Variants in MASP1 observed in about 807,000 individuals in gnomAD.
MASP1 encodes the protein MBL associated serine protease 1.
A neutral mutation model predicts 77.1 loss-of-function variants in MASP1; 59 were observed. The ratio of observed to expected loss-of-function variants is 0.77; its 90% CI spans 0.62 to 0.95. MASP1 has a LOEUF of 0.95. Among genes scored for constraint, MASP1 ranks in the 40% least tolerant of loss-of-function variants. MASP1 has a pLI of 0.00. For synonymous variants in MASP1, 362 were observed against 354.5 expected (o/e 1.02, Z -0.24); for missense variants, 885 against 912.9 (o/e 0.97, Z 0.39).
chr3:187,265,646 T>A (rs149001261), intron 2 of MASP1, among the ~76,000 whole-genome samples: 56 of 152,268 alleles, frequency 3.7e-4, no homozygotes, highest in Admixed American at 3.6e-3. Flanking sequence ...TCTATCTGCC[T>A]CCTTCTATAG....
chr3:187,282,466 C>T (rs942228060), intron 2 of MASP1, among the ~76,000 whole-genome samples: 1 of 147,640 alleles, frequency 6.8e-6, no homozygotes, highest in Non-Finnish European at 1.5e-5. Context: ...CACTGCACTC[C>T]AGCCTGGCAA....
intron 1 of MASP1, among the ~76,000 whole-genome samples, chr3:187,286,745 C>A (rs1461776763): frequency 6.6e-6 from 1 of 152,202 alleles, no homozygotes; most frequent in Admixed American, 6.5e-5. Flanking sequence ...CTGGTCAAAG[C>A]CCTTCTGGTC....
At chr3:187,232,867 A>G (rs1241076106), downstream of MASP1, among the ~76,000 whole-genome samples, 3 of 152,244 alleles carry the variant, frequency 2.0e-5, no homozygotes, top group African/African-American at 4.8e-5. Flanking sequence ...TCTTATTTTC[A>G]TTCTCAATAG....
At chr3:187,227,039 C>T (rs935688723) in intron 11 of MASP1, among the ~76,000 whole-genome samples, 3 of 152,278 alleles carry the variant, frequency 2.0e-5, no homozygotes, top group East Asian at 3.9e-4. Flanking sequence ...TTGATGAATC[C>T]GAAGCTACCT....
intron 2 of MASP1, among the ~76,000 whole-genome samples, chr3:187,271,830 C>G (rs764569171): frequency 2.6e-5 from 4 of 152,186 alleles, no homozygotes; most frequent in African/African-American, 7.2e-5. Flanking sequence ...CCTCCTCCCC[C>G]CTTGTCTTCC....
chr3:187,268,537 AAGAAAAGAAAAT>A (rs1198764553), intron 2 of MASP1, among the ~76,000 whole-genome samples: 1 of 144,482 alleles, frequency 6.9e-6, no homozygotes, highest in Admixed American at 7.0e-5. Flanking sequence ...AAGAAAAGAA[AAGAAAAGAAAAT>A]AGAAAAGAAA....
intron 2 of MASP1, among the ~76,000 whole-genome samples, chr3:187,264,130 C>A (rs1715827749): frequency 6.6e-6 from 1 of 152,182 alleles, no homozygotes; most frequent in South Asian, 2.1e-4. Flanking sequence ...TGACATTTGA[C>A]ACTCCTGTTT....
intron 8 of MASP1, chr3:187,247,467 T>C (rs113510246): frequency 1.3e-6 from 2 of 1,512,204 alleles, no homozygotes; most frequent in Non-Finnish European, 1.8e-6. Flanking sequence ...AGAGAGAGAT[T>C]AGCAAGCAAA....
intron 5 of MASP1, chr3:187,256,437 C>G (rs919150932): frequency 2.6e-5 from 15 of 587,744 alleles, no homozygotes; most frequent in African/African-American, 2.4e-4. Context: ...ATTCACGACT[C>G]TCCTCCTCAA....
intron 11 of MASP1, among the ~76,000 whole-genome samples, chr3:187,229,020 C>T (rs557953430): frequency 2.6e-5 from 4 of 152,270 alleles, no homozygotes; most frequent in African/African-American, 7.2e-5. Context: ...TGGGCCAAGC[C>T]GGGCCTTCTT....
At chr3:187,246,423 G>A (rs2108530104) in intron 8 of MASP1, 1 of 985,390 alleles carries the variant, frequency 1.0e-6, no homozygotes, top group African/African-American at 1.7e-5. Flanking sequence ...TCTTCTTTGG[G>A]TGGTGTCTCT....
intron 2 of MASP1, among the ~76,000 whole-genome samples, chr3:187,267,917 C>T (rs970371548): frequency 1.1e-4 from 17 of 151,898 alleles, no homozygotes; most frequent in Middle Eastern, 3.4e-3. Flanking sequence ...ATTACGAGTT[C>T]TAATACCCAT....
At position 187,218,022 on chromosome 3, in the gene MASP1, C is replaced by T. The variant is rs1231429070; in HGVS notation, c.*2049G>A. 52 of 152,184 alleles carry T rather than the reference C, an allele frequency of 3.4e-4. 1 individual carries two copies. Among genetic ancestry groups the T allele is most frequent in the Admixed American group, 3.4e-3 (52 of 15,276 alleles). The allele number at this position is 152,184 out of a possible 1,614,324, so 9.4% of individuals were successfully genotyped here. A position where few individuals can be genotyped will look rare whatever the true frequency, so the allele number is the denominator to read the frequency against. On this transcript the variant is annotated 3_prime_UTR_variant, in exon 16 of 16. Coordinates refer to the MASP1 transcript ENST00000337774. ...TATAATAAAGGACATCTTGAGTGGA[C>T]ATTTACTATTGTTCTCCCTCCATGT... is the stretch of plus-strand genomic sequence containing the variant.
chr3:187,234,231 T>A lies in MASP1; in HGVS notation c.*1453A>T, dbSNP rs1017532115. The A allele has an allele frequency of 1.6e-6, 2 of 1,287,214 alleles. No homozygotes were observed. The highest frequency in any genetic ancestry group is 2.0e-6 in the Non-Finnish European group (2 of 988,694). The allele number at this position is 1,287,214 out of a possible 1,614,324, so 79.7% of individuals were successfully genotyped here. A position where few individuals can be genotyped will look rare whatever the true frequency, so the allele number is the denominator to read the frequency against. On this transcript the variant is annotated 3_prime_UTR_variant, in exon 11 of 11. Coordinates refer to ENST00000296280, the MANE Select transcript of MASP1 (RefSeq NM_139125.4). ...TGCCATTCATAGACAAAGGAGTGTG[T>A]TTGATGAGCCGGTTGAGAAAGTGGA...
chr3:187,267,765 T>G (rs1337383512), intron 2 of MASP1, among the ~76,000 whole-genome samples: 1 of 152,218 alleles, frequency 6.6e-6, no homozygotes, highest in East Asian at 1.9e-4. Context: ...TTTGGCCCCT[T>G]AGGTAGAATT....
intron 2 of MASP1, among the ~76,000 whole-genome samples, chr3:187,272,158 A>T (rs562950671): frequency 2.6e-5 from 4 of 152,280 alleles, no homozygotes; most frequent in Non-Finnish European, 5.9e-5. Context: ...GACCTAAAGG[A>T]CAGGAAAGGG....
rs72549259 is a variant in MASP1 at position 187,222,992 on chromosome 3, G to A, written c.1809+135C>T. On this transcript the variant is annotated intron_variant, in intron 14 of 15. Transcript: ENST00000337774. ...TTCAAAGTCCCATTGAACTTTGGAG[G>A]TGGGTCTGGGCTCCTAGTTTCCCAC... 8.1e-5 allele frequency: 60 copies of A among 737,916 alleles called. 1 individual carries two copies. The highest frequency in any genetic ancestry group is 6.9e-4 in the South Asian group (47 of 68,234). The allele number at this position is 737,916 out of a possible 1,614,324, so 45.7% of individuals were successfully genotyped here. A position where few individuals can be genotyped will look rare whatever the true frequency, so the allele number is the denominator to read the frequency against.
rs1207847642 is a variant in MASP1 at position 187,235,146 on chromosome 3, G to C, written c.*538C>G. ...CAAGGGATCACACTAAGAGAGAGGGGCTTGGCTATGAGCCATCTCCCAAAA... is the reference window on the plus strand; with the variant it reads ...CAAGGGATCACACTAAGAGAGAGGGCCTTGGCTATGAGCCATCTCCCAAAA... On this transcript the variant is annotated 3_prime_UTR_variant, in exon 11 of 11. Coordinates refer to ENST00000296280, the MANE Select transcript of MASP1 (RefSeq NM_139125.4). 2 of 1,287,552 alleles carry C rather than the reference G, an allele frequency of 1.6e-6. No homozygotes were observed. Among genetic ancestry groups the C allele is most frequent in the East Asian group, 5.5e-5 (1 of 18,036 alleles). The allele number at this position is 1,287,552 out of a possible 1,614,324, so 79.8% of individuals were successfully genotyped here.
chr3:187,236,313 G>C lies in MASP1; in HGVS notation c.1558C>G (p.Leu520Val). Reference protein sequence around the residue: ...PVSKEHVTVYLGLHDVRDKSG... With the variant: ...PVSKEHVTVYVGLHDVRDKSG... ...TTGTCTCGCACATCATGCAAGCCCA[G>C]GTAGACGGTGACATGCTCCTTGGAG... Residue 520 changes from leucine to valine, a missense_variant, in exon 11 of 11, where the codon CTG becomes GTG. Coordinates refer to ENST00000296280, the MANE Select transcript of MASP1 (RefSeq NM_139125.4). 6.2e-7 allele frequency: 1 copy of C among 1,614,276 alleles called. No homozygotes were observed. The highest frequency in any genetic ancestry group is 1.3e-5 in the African/African-American group (1 of 75,080).
Sources: allele counts gnomAD v4.1 joint callset (sites outside exome capture counted in the v4.1 genomes callset), GRCh38; gene constraint gnomAD v4.1.1; transcripts MANE v1.5; gene names NCBI Gene and HGNC (gene_info 2026-07-23, HGNC 2026-07-21).